METTL15: variants seen among roughly 807,000 people sequenced by gnomAD.
The protein encoded by METTL15 is methyltransferase 15, mitochondrial 12S rRNA N4-cytidine, also known as 12S rRNA N(4)-cytidine methyltransferase METTL15.
Under a neutral mutation model 38.3 loss-of-function variants are expected in METTL15, and 34 were observed. That is an observed-to-expected ratio of 0.89 (90% CI 0.68 to 1.18). The LOEUF is 1.18. Among genes scored for constraint, METTL15 ranks in the 50% most tolerant of loss-of-function variants. The pLI, the probability that METTL15 is intolerant of heterozygous loss-of-function variation, is 0.00. For synonymous variants in METTL15, 162 were observed against 170.9 expected (o/e 0.95, Z 0.41); for missense variants, 438 against 498.4 (o/e 0.88, Z 1.15).
chr11:28,161,770 G>A (rs1400597971), intron 3 of METTL15, among the ~76,000 whole-genome samples: 1 of 152,022 alleles, frequency 6.6e-6, no homozygotes, highest in African/African-American at 2.4e-5. Context: ...ATTTTGGGAT[G>A]GTGAGTTCAG....
chr11:28,430,366 A>AG (rs546468106), intron 6 of METTL15, among the ~76,000 whole-genome samples: 56,735 of 59,134 alleles, frequency 0.96, 27,200 homozygotes, highest in Middle Eastern at 1. Context: ...GCCATCCGGG[A>AG]GGAGGTGGGG....
intron 5 of METTL15, among the ~76,000 whole-genome samples, chr11:28,372,665 T>A (rs1765799946): frequency 6.6e-6 from 1 of 151,376 alleles, no homozygotes; most frequent in Non-Finnish European, 1.5e-5. Flanking sequence ...CATGTGCACA[T>A]TGTGCAGGTT....
chr11:28,329,727 G>C (rs747045250), intron 6 of METTL15, among the ~76,000 whole-genome samples: 2 of 152,114 alleles, frequency 1.3e-5, no homozygotes, highest in Non-Finnish European at 2.9e-5. Flanking sequence ...TCAGCTAAAA[G>C]TATTTCCTTT....
At chr11:28,383,797 T>G (rs1850412797) in intron 5 of METTL15, among the ~76,000 whole-genome samples, 1 of 152,178 alleles carries the variant, frequency 6.6e-6, no homozygotes, top group Non-Finnish European at 1.5e-5. Context: ...CTTTGACCAC[T>G]TTTATTTTTA....
downstream of METTL15, among the ~76,000 whole-genome samples, chr11:28,336,516 AGT>A (rs1849902257): frequency 6.6e-6 from 1 of 152,236 alleles, no homozygotes; most frequent in Non-Finnish European, 1.5e-5. Context: ...GACCAATAAA[AGT>A]GTGTGTTGCA....
intron 6 of METTL15, among the ~76,000 whole-genome samples, chr11:28,521,784 T>C (rs1191419749): frequency 2.0e-5 from 3 of 152,100 alleles, no homozygotes; most frequent in Non-Finnish European, 4.4e-5. Flanking sequence ...GCCATAGCTC[T>C]TCAGTATCTT....
intron 3 of METTL15, among the ~76,000 whole-genome samples, chr11:28,179,560 A>T (rs1043755030): frequency 7.2e-5 from 11 of 151,762 alleles, no homozygotes; most frequent in Middle Eastern, 6.8e-3. Flanking sequence ...TGCATTCAAC[A>T]TGTTTGTGAT....
intron 3 of METTL15, among the ~76,000 whole-genome samples, chr11:28,209,690 G>T (rs1440434315): frequency 1.3e-5 from 2 of 151,870 alleles, no homozygotes; most frequent in Admixed American, 1.3e-4. Flanking sequence ...CTTTTATGAG[G>T]ACTTGATCAG....
intron 3 of METTL15, among the ~76,000 whole-genome samples, chr11:28,209,914 G>GTTAT (rs374170755): frequency 7.3e-4 from 111 of 152,110 alleles, no homozygotes; most frequent in African/African-American, 2.4e-3. Context: ...GTAGACTTAT[G>GTTAT]TTGTCATTGT....
At position 28,221,069 on chromosome 11, in the gene METTL15, G is replaced by A. The variant is rs539564205; in HGVS notation, c.407+9871G>A. ...GTTGCTATTCTCGTGGAGTATCTTT[G>A]TGGTGTTCTCTGTGTTTCCTGCATT... On this transcript the variant is annotated intron_variant, in intron 4 of 6. Coordinates refer to ENST00000407364, the MANE Select transcript of METTL15 (RefSeq NM_001113528.2). Among the ~76,000 whole-genome samples, 6 of 152,176 alleles carry A rather than the reference G, an allele frequency of 3.9e-5. No homozygotes were observed. In the South Asian group the frequency reaches 1.0e-3, roughly 26 times the overall value.
chr11:28,371,751 A>C (rs989330095), intron 5 of METTL15, among the ~76,000 whole-genome samples: 2 of 151,874 alleles, frequency 1.3e-5, no homozygotes, highest in Non-Finnish European at 2.9e-5. Flanking sequence ...TATTATTTGA[A>C]GCCATTGTAC....
intron 6 of METTL15, among the ~76,000 whole-genome samples, chr11:28,320,752 AC>A (rs1849436816): frequency 6.6e-6 from 1 of 152,196 alleles, no homozygotes; most frequent in African/African-American, 2.4e-5. Context: ...TTTAAATACA[AC>A]CTGGAAGGTT....
rs1056110694 is a variant in METTL15 at position 28,482,462 on chromosome 11, T to C, written c.*425-44016T>C. 1.1e-4 allele frequency among the ~76,000 whole-genome samples: 16 copies of C among 152,376 alleles called. 1 individual carries two copies. Among genetic ancestry groups the C allele is most frequent in the African/African-American group, 3.8e-4 (16 of 41,602 alleles). On this transcript the variant is annotated intron_variant and NMD_transcript_variant, in intron 6 of 7. Coordinates refer to the METTL15 transcript ENST00000532947. ...TCTGAAAATCACAGATGGTGTGTGATGCAAAGTGCTTAGCACAGTACTTGG... is the reference window on the plus strand; with the variant it reads ...TCTGAAAATCACAGATGGTGTGTGACGCAAAGTGCTTAGCACAGTACTTGG...
chr11:28,443,157 G>A (rs1851048925), intron 6 of METTL15, among the ~76,000 whole-genome samples: 1 of 152,082 alleles, frequency 6.6e-6, no homozygotes. Flanking sequence ...TAGGAAAGTG[G>A]GATTAAAAGA....
intron 6 of METTL15, among the ~76,000 whole-genome samples, chr11:28,494,183 A>G (rs1451682831): frequency 2.0e-5 from 3 of 152,166 alleles, no homozygotes; most frequent in African/African-American, 7.2e-5. Context: ...AGTTCTCCAC[A>G]CTCATTGAGA....
intron 6 of METTL15, among the ~76,000 whole-genome samples, chr11:28,452,547 CAT>C (rs1005921839): frequency 1.3e-5 from 2 of 152,062 alleles, no homozygotes; most frequent in Non-Finnish European, 2.9e-5. Flanking sequence ...TGTTTGCAGA[CAT>C]AAGGTAGACA....
At chr11:28,363,434 A>C (rs937432260) in intron 5 of METTL15, among the ~76,000 whole-genome samples, 2 of 152,152 alleles carry the variant, frequency 1.3e-5, no homozygotes, top group Non-Finnish European at 2.9e-5. Flanking sequence ...GGCCTCCCAA[A>C]GTGCTGGGAT....
downstream of METTL15, among the ~76,000 whole-genome samples, chr11:28,335,574 A>G (rs193088366): frequency 4.1e-4 from 62 of 152,258 alleles, 1 homozygote; most frequent in Admixed American, 1.8e-3. Context: ...TTAACCTCCA[A>G]TGTTAGAGGT....
At chr11:28,430,243 C>T (rs1257766619) in intron 6 of METTL15, among the ~76,000 whole-genome samples, 34 of 139,756 alleles carry the variant, frequency 2.4e-4, no homozygotes, top group African/African-American at 5.3e-4. Context: ...GTCAGCCCCC[C>T]GCCAGGCCAG....
Sources: gnomAD v4.1 joint callset for allele counts (sites outside exome capture counted in the v4.1 genomes callset) on GRCh38, gnomAD v4.1.1 for gene constraint, MANE v1.5 for transcripts, NCBI Gene and HGNC (gene_info 2026-07-23, HGNC 2026-07-21) for gene names.